TENM3: variants seen among roughly 807,000 people sequenced by gnomAD.
TENM3 encodes teneurin transmembrane protein 3.
TENM3 carries 63 observed loss-of-function variants against 255.1 expected under a neutral mutation model. The ratio of observed to expected loss-of-function variants is 0.25; its 90% CI spans 0.20 to 0.30. The LOEUF (loss-of-function observed/expected upper bound fraction) is 0.30, where lower values mean the gene tolerates loss of function less well. Among genes scored for constraint, TENM3 ranks in the 10% least tolerant of loss-of-function variants. The pLI is 1.00. For synonymous variants in TENM3, 1,306 were observed against 1,322.3 expected, an observed-to-expected ratio of 0.99 and a Z score of 0.27; for missense variants, 2,929 against 3,461.1, an observed-to-expected ratio of 0.85 and a Z score of 3.86.
the TENM3 span, among the ~76,000 whole-genome samples, chr4:181,657,205 A>G: frequency 1.3e-5 from 2 of 152,340 alleles, no homozygotes; most frequent in South Asian, 4.1e-4. Flanking sequence ...TGCACCAGGA[A>G]AAAATAATTC....
chr4:182,359,001 G>C (rs1335075448), intron 3 of TENM3, among the ~76,000 whole-genome samples: 2 of 151,664 alleles, frequency 1.3e-5, no homozygotes, highest in Admixed American at 1.3e-4. Flanking sequence ...CTTTGGTTCT[G>C]TTTATATGCT....
chr4:182,545,886 A>C (rs1260972548), intron 3 of TENM3, among the ~76,000 whole-genome samples: 7 of 152,170 alleles, frequency 4.6e-5, no homozygotes, highest in Admixed American at 2.0e-4. Context: ...TACACAGTCA[A>C]AATTCCTCAT....
chr4:181,941,032 C>A, the TENM3 span, among the ~76,000 whole-genome samples: 1 of 152,216 alleles, frequency 6.6e-6, no homozygotes, highest in African/African-American at 2.4e-5. Context: ...GGCTGAATAA[C>A]TGGAAAGATG....
intron 1 of TENM3, among the ~76,000 whole-genome samples, chr4:182,281,445 T>C (rs147391321): frequency 2.3e-3 from 350 of 152,212 alleles, no homozygotes; most frequent in African/African-American, 8.2e-3. Context: ...AAGAAAACAA[T>C]ACTACCATAG....
At chr4:181,834,638 C>G in the TENM3 span, among the ~76,000 whole-genome samples, 1 of 152,160 alleles carries the variant, frequency 6.6e-6, no homozygotes, top group Non-Finnish European at 1.5e-5. Flanking sequence ...CGTTGGCCTC[C>G]TAGCCAACCT....
chr4:181,699,443 A>C, the TENM3 span, among the ~76,000 whole-genome samples: 1 of 24,634 alleles, frequency 4.1e-5, no homozygotes, highest in African/African-American at 3.3e-4. Context: ...ACCCTGTCGC[A>C]AAAAAAAAAA....
At chr4:181,799,866 C>T in the TENM3 span, among the ~76,000 whole-genome samples, 1 of 152,152 alleles carries the variant, frequency 6.6e-6, no homozygotes, top group Non-Finnish European at 1.5e-5. Context: ...GTGAACAAGT[C>T]GGAAGCAGCC....
At chr4:181,909,335 G>A in the TENM3 span, among the ~76,000 whole-genome samples, 1 of 152,142 alleles carries the variant, frequency 6.6e-6, no homozygotes, top group African/African-American at 2.4e-5. Flanking sequence ...GTGGTATTGT[G>A]GGGACTAAAT....
At chr4:182,268,043 G>T (rs191872535) in intron 1 of TENM3, among the ~76,000 whole-genome samples, 1 of 152,236 alleles carries the variant, frequency 6.6e-6, no homozygotes, top group Admixed American at 6.5e-5. Flanking sequence ...CATTCTGGGC[G>T]CATTACAATC....
At chr4:181,718,475 T>C in the TENM3 span, among the ~76,000 whole-genome samples, 6 of 152,228 alleles carry the variant, frequency 3.9e-5, no homozygotes, top group African/African-American at 1.2e-4. Flanking sequence ...ATTATGTCTC[T>C]TTTTACCTCC....
chr4:182,293,361 G>A (rs895480427), intron 1 of TENM3, among the ~76,000 whole-genome samples: 6 of 152,132 alleles, frequency 3.9e-5, no homozygotes, highest in Non-Finnish European at 5.9e-5. Context: ...GAGTCCACAT[G>A]GTTTTAGAAG....
chr4:181,663,245 G>A, the TENM3 span, among the ~76,000 whole-genome samples: 19 of 152,020 alleles, frequency 1.2e-4, no homozygotes, highest in African/African-American at 2.7e-4. Flanking sequence ...TTCCTGAAGC[G>A]TCTGTGGTTT....
At chr4:181,865,002 T>C in the TENM3 span, among the ~76,000 whole-genome samples, 6 of 152,192 alleles carry the variant, frequency 3.9e-5, no homozygotes, top group South Asian at 2.1e-4. Flanking sequence ...TACAAAGTAA[T>C]ACAAAGTGTG....
chr4:182,543,720 T>C (rs1741135956), intron 3 of TENM3, among the ~76,000 whole-genome samples: 1 of 152,178 alleles, frequency 6.6e-6, no homozygotes, highest in Non-Finnish European at 1.5e-5. Flanking sequence ...GCTTTTTTGG[T>C]GGTATTCCAT....
chr4:182,755,105 C>T lies in TENM3; in HGVS notation c.4738C>T (p.Pro1580Ser), dbSNP rs77172314. 8 of 1,613,938 alleles carry T rather than the reference C, an allele frequency of 5.0e-6. No individual in the cohort carries two copies. Among genetic ancestry groups the T allele is most frequent in the Non-Finnish European group, 3.4e-6 (4 of 1,179,876 alleles). Residue 1580 changes from proline to serine, a missense_variant, in exon 22 of 28, where the codon CCT becomes TCT. Coordinates refer to ENST00000511685, the MANE Select transcript of TENM3 (RefSeq NM_001080477.4). ...PNRMPVRVVS[P>S]DNQVIWLTIG... ...TCGCATGCCAGTTCGAGTGGTGTCT[C>T]CTGATAACCAAGTGATATGGTTGAC...
the TENM3 span, among the ~76,000 whole-genome samples, chr4:181,532,923 G>A: frequency 6.6e-6 from 1 of 152,014 alleles, no homozygotes; most frequent in Non-Finnish European, 1.5e-5. Flanking sequence ...TCTTAAAATT[G>A]TTTTTAGGTA....
the TENM3 span, among the ~76,000 whole-genome samples, chr4:181,617,905 A>C: frequency 2.6e-5 from 4 of 152,194 alleles, no homozygotes; most frequent in Non-Finnish European, 5.9e-5. Flanking sequence ...GGAGCAGAGA[A>C]ACAAGGATTG....
chr4:182,439,455 T>C (rs577918064), intron 3 of TENM3, among the ~76,000 whole-genome samples: 2 of 152,366 alleles, frequency 1.3e-5, no homozygotes, highest in Non-Finnish European at 2.9e-5. Flanking sequence ...TTTTAAATAA[T>C]GGAAATACGG....
At chr4:182,764,213 G>T (rs898995565) in intron 22 of TENM3, among the ~76,000 whole-genome samples, 1 of 152,218 alleles carries the variant, frequency 6.6e-6, no homozygotes, top group Admixed American at 6.5e-5. Flanking sequence ...GAAGTTTTCT[G>T]TGCTTTTTGA....
Sources: gnomAD v4.1 joint callset for allele counts (sites outside exome capture counted in the v4.1 genomes callset) on GRCh38, gnomAD v4.1.1 for gene constraint, MANE v1.5 for transcripts, NCBI Gene and HGNC (gene_info 2026-07-23, HGNC 2026-07-21) for gene names.